Variants in DDX59 observed in about 807,000 individuals in gnomAD.
DDX59 encodes probable ATP-dependent RNA helicase DDX59.
A neutral mutation model predicts 51.9 loss-of-function variants in DDX59; 30 were observed. The observed-to-expected ratio is 0.58, with a 90% CI of 0.43 to 0.78. The LOEUF is 0.78. DDX59 is among the 30% of genes least tolerant of loss of function. The pLI is 0.00. For synonymous variants in DDX59, 255 were observed against 253.3 expected (o/e 1.01, Z -0.06); for missense variants, 672 against 730.8 (o/e 0.92, Z 0.93).
intron 2 of DDX59, 86 bp downstream of exon 2, chr1:200,665,851 A>G: frequency 7.1e-7 from 1 of 1,413,422 alleles, no homozygotes; most frequent in Non-Finnish European, 9.5e-7. Context: ...TTAGTCTGCA[A>G]TTTTAATATA....
rs766495360 is a variant in DDX59, at chr1:200,650,620, GT to G, written c.1118del (p.Asn373ThrfsTer19). The G allele has an allele frequency of 1.2e-6, 2 of 1,613,688 alleles. No homozygotes were observed. The highest frequency in any genetic ancestry group is 2.7e-5 in the African/African-American group (2 of 74,888). ...AAATGGTCTGACAATCATTAGGAATGTTTTCCAAAATGTCAAGCACTTGTTG... is the reference window on the plus strand; with the variant it reads ...AAATGGTCTGACAATCATTAGGAATGTTTCCAAAATGTCAAGCACTTGTTG... ...FQQQVLDILE[N>X]IPNDCQTILV... On this transcript the variant is annotated frameshift_variant, in exon 5 of 8. Transcript: ENST00000331314. LOFTEE classifies it high-confidence loss of function.
chr1:200,661,766 T>C (rs1662389422), intron 3 of DDX59, among the ~76,000 whole-genome samples: 1 of 152,216 alleles, frequency 6.6e-6, no homozygotes, highest in African/African-American at 2.4e-5. Context: ...ATGATACCAA[T>C]ATTAATTCCT....
chr1:200,649,395 G>A (rs181369952), intron 5 of DDX59, among the ~76,000 whole-genome samples, 169 bp from the exon 6 acceptor site: 10 of 152,056 alleles, frequency 6.6e-5, no homozygotes, highest in South Asian at 2.1e-4. Flanking sequence ...TTGGGAGACC[G>A]AGGTGGGCAA....
chr1:200,652,207 T>C (rs2815291), intron 4 of DDX59, among the ~76,000 whole-genome samples: 13,179 of 151,676 alleles, frequency 0.087, 693 homozygotes, highest in South Asian at 0.14. Context: ...GGCTGTAGTG[T>C]AGTGGCATGA....
rs1004325914 is a variant in DDX59 at position 200,669,849 on chromosome 1, G to T, written c.-94C>A. On this transcript the variant is annotated 5_prime_UTR_variant, in exon 1 of 8. Transcript: ENST00000331314. ...CAGGCTCCAGGCCAGGCTTCCGCCC[G>T]ACAAGCCCTGACCCGCTCGTCAGGA... 1 of 152,544 alleles carries T rather than the reference G, an allele frequency of 6.6e-6. No homozygotes were observed. The highest frequency in any genetic ancestry group is 1.5e-5 in the Non-Finnish European group (1 of 68,338). 9.4% of individuals were successfully genotyped at this position (152,544 alleles called of 1,614,324 possible).
chr1:200,652,738 G>A (rs1369451742), intron 4 of DDX59, among the ~76,000 whole-genome samples: 1 of 146,568 alleles, frequency 6.8e-6, no homozygotes, highest in Non-Finnish European at 1.5e-5. Context: ...GTGCAATCAT[G>A]GCTCACTGCA....
chr1:200,649,055 A>G lies in DDX59; in HGVS notation c.1467+19T>C, dbSNP rs1246347551. ...AACAGATTTATAGAAAACAGAATATAGAATATTGGGTGTCAAACCTTCAAT... is the reference window on the plus strand; with the variant it reads ...AACAGATTTATAGAAAACAGAATATGGAATATTGGGTGTCAAACCTTCAAT... On this transcript the variant is annotated intron_variant, in intron 6 of 7. Transcript: ENST00000331314. 8 of 1,537,038 alleles carry G rather than the reference A, an allele frequency of 5.2e-6. No homozygotes were observed. The South Asian group carries it at 9.1e-5, about 17-fold the overall frequency.
chr1:200,642,965 C>T, downstream of DDX59, among the ~76,000 whole-genome samples: 1 of 152,144 alleles, frequency 6.6e-6, no homozygotes. Context: ...TGGGAAGAAG[C>T]CAGACTGCCA....
At chr1:200,654,016 T>C (rs1274478960) in intron 4 of DDX59, among the ~76,000 whole-genome samples, 1 of 152,190 alleles carries the variant, frequency 6.6e-6, no homozygotes. Context: ...GCCCTAATGA[T>C]ATATTTTGTA....
At chr1:200,640,939 T>C (rs1193711421), downstream of DDX59, 17 of 210,952 alleles carry the variant, frequency 8.1e-5, 1 homozygote, top group Non-Finnish European at 2.1e-5. Flanking sequence ...AAATATAAAA[T>C]AGGTTCTCAC....
chr1:200,663,778 A>G, intron 3 of DDX59, 141 bp downstream of exon 3: 1 of 934,164 alleles, frequency 1.1e-6, no homozygotes. Flanking sequence ...AAAAAAAAAA[A>G]AAAAACCTAA....
intron 2 of DDX59, 145 bp from the exon 3 acceptor site, chr1:200,664,231 AGACTTTTT>A (rs1662568036): frequency 1.0e-5 from 8 of 801,822 alleles, no homozygotes; most frequent in Non-Finnish European, 1.5e-5. Context: ...TGCTTACTGC[AGACTTTTT>A]TCCTCCAAAA....
At chr1:200,649,455 C>T (rs1233847689) in intron 5 of DDX59, among the ~76,000 whole-genome samples, 2 of 151,642 alleles carry the variant, frequency 1.3e-5, no homozygotes, top group African/African-American at 2.4e-5. Context: ...AGTGAAACCC[C>T]GTCTCTACTA....
chr1:200,649,029 G>C, intron 6 of DDX59, 45 bp downstream of exon 6: 1 of 1,483,136 alleles, frequency 6.7e-7, no homozygotes, highest in Non-Finnish European at 8.9e-7. Context: ...AAATGAGGCA[G>C]AACAGATTTA....
At chr1:200,651,924 C>A (rs1402453315) in intron 4 of DDX59, among the ~76,000 whole-genome samples, 2 of 146,686 alleles carry the variant, frequency 1.4e-5, no homozygotes, top group Non-Finnish European at 3.0e-5. Flanking sequence ...AGGAGGATGG[C>A]GTGAACCCGA....
chr1:200,661,832 T>G (rs1662392858), intron 3 of DDX59, among the ~76,000 whole-genome samples: 1 of 152,220 alleles, frequency 6.6e-6, no homozygotes, highest in South Asian at 2.1e-4. Flanking sequence ...CCACCCAAAT[T>G]GCATGTCGAA....
intron 7 of DDX59, among the ~76,000 whole-genome samples, chr1:200,646,939 T>G (rs796157205): frequency 5.9e-5 from 9 of 152,204 alleles, no homozygotes; most frequent in African/African-American, 2.2e-4. Context: ...ACCGATACGT[T>G]CTATGATATG....
intron 3 of DDX59, among the ~76,000 whole-genome samples, chr1:200,660,930 G>A (rs574997381): frequency 5.9e-5 from 9 of 152,212 alleles, no homozygotes; most frequent in Non-Finnish European, 1.3e-4. Flanking sequence ...AGCGATGACT[G>A]TATTCCCTAG....
In DDX59 at chr1:200,658,968, C is replaced by T. The variant is rs192851110; in HGVS notation, c.1062+59G>A. 7.3e-4 allele frequency: 998 copies of T among 1,365,408 alleles called. 4 individuals carry two copies. The African/African-American group carries it at 0.011, about 15-fold the overall frequency. 84.6% of individuals were successfully genotyped at this position (1,365,408 alleles called of 1,614,324 possible). A position where few individuals can be genotyped will look rare whatever the true frequency, so the allele number is the denominator to read the frequency against. On this transcript the variant is annotated intron_variant, in intron 4 of 7. Coordinates refer to ENST00000331314, the MANE Select transcript of DDX59 (RefSeq NM_001031725.6). ...CTGAACATACAATGAAATTATATAA[C>T]TATACTTTCCATAAATTGTGTAAAA...
Sources: allele counts gnomAD v4.1 joint callset (sites outside exome capture counted in the v4.1 genomes callset), GRCh38; gene constraint gnomAD v4.1.1; transcripts MANE v1.5; gene names NCBI Gene and HGNC (gene_info 2026-07-23, HGNC 2026-07-21).